The following CTNND2 variants were observed in gnomAD, a reference collection of about 807,000 sequenced individuals.
The protein encoded by CTNND2 is catenin delta 2, also known as catenin delta-2.
Under a neutral mutation model 144.4 loss-of-function variants are expected in CTNND2, and 22 were observed. The ratio of observed to expected loss-of-function variants is 0.15; its 90% CI spans 0.11 to 0.22. The LOEUF (loss-of-function observed/expected upper bound fraction) is 0.22. CTNND2 is among the 10% of genes least tolerant of loss of function. The pLI is 1.00. For synonymous variants in CTNND2, 751 were observed against 695.6 expected (o/e 1.08, Z -1.25); for missense variants, 1,353 against 1,618.8 (o/e 0.84, Z 2.82).
At chr5:11,276,387 T>C (rs1746527887) in intron 9 of CTNND2, among the ~76,000 whole-genome samples, 1 of 152,144 alleles carries the variant, frequency 6.6e-6, no homozygotes, top group Non-Finnish European at 1.5e-5. Flanking sequence ...CACTCTCTTC[T>C]GAAAACCCAA....
At chr5:11,001,183 CAT>C (rs1410253047) in intron 18 of CTNND2, among the ~76,000 whole-genome samples, 4 of 152,182 alleles carry the variant, frequency 2.6e-5, no homozygotes, top group African/African-American at 7.2e-5. Flanking sequence ...AGCTCTATGA[CAT>C]AGCAGGGCAC....
chr5:10,981,223 T>C (rs929778157), intron 21 of CTNND2, among the ~76,000 whole-genome samples: 8 of 152,286 alleles, frequency 5.3e-5, no homozygotes, highest in South Asian at 2.1e-4. Context: ...CTGGGTAACA[T>C]TGATGCTGCT....
chr5:11,647,098 G>A (rs1443750443), intron 2 of CTNND2, among the ~76,000 whole-genome samples: 2 of 152,110 alleles, frequency 1.3e-5, no homozygotes, highest in South Asian at 2.1e-4. Flanking sequence ...CACTGTCCCT[G>A]TCTCCATCAC....
At chr5:11,318,054 C>T (rs185116391) in intron 9 of CTNND2, among the ~76,000 whole-genome samples, 81 of 152,278 alleles carry the variant, frequency 5.3e-4, no homozygotes, top group African/African-American at 1.9e-3. Flanking sequence ...CTCAGAGGTG[C>T]TCAGGGAACC....
chr5:11,479,025 A>G (rs1017825260), intron 3 of CTNND2, among the ~76,000 whole-genome samples: 2 of 152,204 alleles, frequency 1.3e-5, no homozygotes, highest in African/African-American at 4.8e-5. Context: ...GGTTTGGGGT[A>G]CATGTGCAGG....
chr5:11,255,468 G>T (rs1323363287), intron 9 of CTNND2, among the ~76,000 whole-genome samples: 1 of 152,138 alleles, frequency 6.6e-6, no homozygotes, highest in Admixed American at 6.5e-5. Context: ...CAGCTAGGGA[G>T]GTTTCAAACA....
At chr5:11,077,673 G>A (rs1480541765) in intron 16 of CTNND2, among the ~76,000 whole-genome samples, 1 of 152,158 alleles carries the variant, frequency 6.6e-6, no homozygotes, top group East Asian at 1.9e-4. Context: ...GATAACTCTG[G>A]TTGCCACTGC....
chr5:11,347,287 G>C (rs565311755), intron 8 of CTNND2, among the ~76,000 whole-genome samples: 1 of 152,158 alleles, frequency 6.6e-6, no homozygotes. Context: ...TTGGTGAAGG[G>C]AGAATAAGGC....
rs1232627080 is a variant in CTNND2, at chr5:11,903,845, C to A, written c.9G>T (p.Ala3=). 5 of 1,483,912 alleles carry A rather than the reference C, an allele frequency of 3.4e-6. No individual in the cohort carries two copies. The highest frequency in any genetic ancestry group is 3.6e-6 in the Non-Finnish European group (4 of 1,123,164). The allele number at this position is 1,483,912 out of a possible 1,614,324, so 91.9% of individuals were successfully genotyped here. ...AAGGCGCGGCGCCCGGCGGCTTCCT[C>A]GCAAACATGCACCCTCCGCCGGCGA... is the stretch of plus-strand genomic sequence containing the variant. MF[A]RKPPGAAPLG... Residue 3 remains alanine, a synonymous_variant, in exon 1 of 22, where the codon GCG becomes GCT. Coordinates refer to ENST00000304623, the MANE Select transcript of CTNND2 (RefSeq NM_001332.4). The surrounding 1 kb of genome is among the most constrained non-coding windows in gnomAD (Gnocchi z 5.4).
chr5:11,017,551 AAGAT>A, intron 18 of CTNND2, among the ~76,000 whole-genome samples: 1 of 145,684 alleles, frequency 6.9e-6, no homozygotes, highest in South Asian at 2.2e-4. Flanking sequence ...TCCATATATA[AAGAT>A]ATATATACAT....
intron 5 of CTNND2, among the ~76,000 whole-genome samples, chr5:11,399,395 T>C (rs956406801): frequency 1.3e-4 from 19 of 151,496 alleles, no homozygotes; most frequent in African/African-American, 4.4e-4. Context: ...TCTTAGACAG[T>C]TGCATGTCCT....
chr5:11,808,364 T>C (rs1480473609), intron 1 of CTNND2, among the ~76,000 whole-genome samples: 1 of 151,640 alleles, frequency 6.6e-6, no homozygotes, highest in African/African-American at 2.4e-5. Flanking sequence ...CAGTCTAGAG[T>C]GGGGAACGGA....
At chr5:11,804,406 T>C (rs562585121) in intron 1 of CTNND2, among the ~76,000 whole-genome samples, 1 of 152,206 alleles carries the variant, frequency 6.6e-6, no homozygotes, top group Non-Finnish European at 1.5e-5. Context: ...TGCATGTGAA[T>C]GTTTATAGTA....
chr5:11,815,906 A>G (rs1407627485), intron 1 of CTNND2, among the ~76,000 whole-genome samples: 1 of 152,104 alleles, frequency 6.6e-6, no homozygotes, highest in Non-Finnish European at 1.5e-5. Flanking sequence ...GCTCCTCCTC[A>G]TCATCTCATG....
Position 11,568,348 on chromosome 5 carries a change from C to T in CTNND2, c.175-3292G>A, listed in dbSNP as rs114669007. Among the ~76,000 whole-genome samples, 1,474 of 152,294 alleles carry T rather than the reference C, an allele frequency of 9.7e-3. 6 individuals are homozygous for T. Among genetic ancestry groups the T allele is most frequent in the Non-Finnish European group, 0.015 (997 of 68,028 alleles). ...CCTGCTAGGCTTCCTCCTTTCTGCA[C>T]TGCTGTGTGGAAACTCTCTCAAGGC... On this transcript the variant is annotated intron_variant, in intron 2 of 21. Coordinates refer to ENST00000304623, the MANE Select transcript of CTNND2 (RefSeq NM_001332.4).
intron 3 of CTNND2, among the ~76,000 whole-genome samples, chr5:11,517,253 T>C (rs1772250255): frequency 6.6e-6 from 1 of 152,226 alleles, no homozygotes; most frequent in African/African-American, 2.4e-5. Context: ...CTATTTTAAC[T>C]ACTCTGCTAC....
At chr5:11,873,023 T>C (rs1735275317) in intron 1 of CTNND2, among the ~76,000 whole-genome samples, 1 of 152,154 alleles carries the variant, frequency 6.6e-6, no homozygotes, top group African/African-American at 2.4e-5. Flanking sequence ...CTAAAGAGCT[T>C]CTGCGCAGCA....
At chr5:11,892,703 C>A (rs1200294349) in intron 1 of CTNND2, among the ~76,000 whole-genome samples, 3 of 151,018 alleles carry the variant, frequency 2.0e-5, no homozygotes, top group Non-Finnish European at 3.0e-5. Flanking sequence ...AAAAAAAAAA[C>A]CTCACATAGC....
chr5:11,445,864 AT>A (rs1447389252), intron 3 of CTNND2, among the ~76,000 whole-genome samples: 1 of 152,260 alleles, frequency 6.6e-6, no homozygotes, highest in African/African-American at 2.4e-5. Context: ...AAATGCAGTC[AT>A]TCTCAACAAT....
Sources: gnomAD v4.1 joint callset for allele counts (sites outside exome capture counted in the v4.1 genomes callset) on GRCh38, gnomAD v4.1.1 for gene constraint, Gnocchi (gnomAD v3.1) non-coding constraint, MANE v1.5 for transcripts, NCBI Gene and HGNC (gene_info 2026-07-23, HGNC 2026-07-21) for gene names.